NEGR1: variants seen among roughly 807,000 people sequenced by gnomAD.
NEGR1 encodes the protein neuronal growth regulator 1.
Under a neutral mutation model 40.9 loss-of-function variants are expected in NEGR1, and 10 were observed. The observed-to-expected ratio is 0.24, with a 90% CI of 0.15 to 0.42. The LOEUF (loss-of-function observed/expected upper bound fraction) is 0.42. Among genes scored for constraint, NEGR1 ranks in the 10% least tolerant of loss-of-function variants. The pLI, the probability that NEGR1 is intolerant of heterozygous loss-of-function variation, is 1.00. For synonymous variants in NEGR1, 185 were observed against 166.8 expected (o/e 1.11, Z -0.84); for missense variants, 352 against 438.9 (o/e 0.80, Z 1.77).
intron 2 of NEGR1, among the ~76,000 whole-genome samples, chr1:71,839,504 C>A (rs184917192): frequency 1.3e-5 from 2 of 151,960 alleles, no homozygotes; most frequent in Admixed American, 6.6e-5. Context: ...AGTCACCACT[C>A]CTGGCCGAGA....
intron 2 of NEGR1, among the ~76,000 whole-genome samples, chr1:71,907,024 T>G (rs1661295546): frequency 6.6e-6 from 1 of 152,198 alleles, no homozygotes; most frequent in African/African-American, 2.4e-5. Context: ...ATGTTACGAA[T>G]TAACTATTTT....
intron 1 of NEGR1, among the ~76,000 whole-genome samples, chr1:72,210,532 T>C (rs1029840113): frequency 1.3e-5 from 2 of 151,918 alleles, no homozygotes; most frequent in South Asian, 2.1e-4. Context: ...AGGCAGGCAT[T>C]TGGCAGACAT....
chr1:72,057,164 G>A (rs1176321734), intron 1 of NEGR1, among the ~76,000 whole-genome samples: 2 of 151,516 alleles, frequency 1.3e-5, no homozygotes, highest in Non-Finnish European at 3.0e-5. Context: ...TTGATTGAAT[G>A]GAAGAATAAA....
intron 1 of NEGR1, among the ~76,000 whole-genome samples, chr1:72,012,904 A>G (rs1321902803): frequency 1.3e-5 from 2 of 148,736 alleles, no homozygotes; most frequent in Admixed American, 1.3e-4. Flanking sequence ...GCAAGATACT[A>G]GTTGTAGGGG....
intron 1 of NEGR1, among the ~76,000 whole-genome samples, chr1:72,030,251 G>A (rs1454179357): frequency 2.0e-5 from 3 of 151,292 alleles, no homozygotes; most frequent in Admixed American, 1.3e-4. Context: ...CTGCAGTGCC[G>A]TGGTGCAATC....
chr1:72,063,239 T>C (rs1647205231), intron 1 of NEGR1, among the ~76,000 whole-genome samples: 1 of 151,926 alleles, frequency 6.6e-6, no homozygotes, highest in South Asian at 2.1e-4. Flanking sequence ...ACATGTGTTT[T>C]CTAATCCTCT....
At chr1:72,081,474 T>C (rs2100528642) in intron 1 of NEGR1, among the ~76,000 whole-genome samples, 1 of 152,236 alleles carries the variant, frequency 6.6e-6, no homozygotes, top group East Asian at 1.9e-4. Flanking sequence ...TACAGCTCCC[T>C]GTAATTTTCC....
chr1:71,629,004 T>C (rs1349311954), intron 4 of NEGR1, among the ~76,000 whole-genome samples: 1 of 152,140 alleles, frequency 6.6e-6, no homozygotes, highest in African/African-American at 2.4e-5. Flanking sequence ...TCTTCCACAA[T>C]GGTTGAACTA....
At position 72,036,840 on chromosome 1, in the gene NEGR1, T is replaced by C. The variant is rs543968599; in HGVS notation, c.177-101529A>G. On this transcript the variant is annotated intron_variant, in intron 1 of 6. Transcript: ENST00000357731. ...CCAAAATAACTGCAAATAATCAATA[T>C]GGTTAATTTCTTTTTGTTTTTGCAA... is the stretch of plus-strand genomic sequence containing the variant. 8.5e-5 allele frequency among the ~76,000 whole-genome samples: 13 copies of C among 152,120 alleles called. No individual in the cohort carries two copies. The South Asian group carries it at 2.7e-3, about 32-fold the overall frequency.
At chr1:71,958,797 CA>C (rs554045668) in intron 1 of NEGR1, among the ~76,000 whole-genome samples, 1 of 151,426 alleles carries the variant, frequency 6.6e-6, no homozygotes, top group East Asian at 2.0e-4. Context: ...ATTAAAAATA[CA>C]AAAAAAATGA....
At position 71,792,742 on chromosome 1, in the gene NEGR1, G is replaced by A. The variant is rs139126179; in HGVS notation, c.410-16445C>T. Among the ~76,000 whole-genome samples, 583 of 152,224 alleles carry A rather than the reference G, an allele frequency of 3.8e-3. 2 individuals carry two copies. The highest frequency in any genetic ancestry group is 0.013 in the African/African-American group (551 of 41,542). On this transcript the variant is annotated intron_variant, in intron 2 of 6. Coordinates refer to ENST00000357731, the MANE Select transcript of NEGR1 (RefSeq NM_173808.3). The stretch of plus-strand genomic sequence containing the variant: ...ATATCAAACTGTTTCCATCAGGCTG[G>A]AAGCTGTAACACTCAAATGGTACCT...
At chr1:71,587,772 G>T (rs755261456) in intron 6 of NEGR1, among the ~76,000 whole-genome samples, 1 of 152,006 alleles carries the variant, frequency 6.6e-6, no homozygotes, top group Non-Finnish European at 1.5e-5. Flanking sequence ...GTACACCTGA[G>T]ATGGGAGTTT....
intron 1 of NEGR1, among the ~76,000 whole-genome samples, chr1:72,056,599 A>G (rs1647112955): frequency 6.6e-6 from 1 of 151,402 alleles, no homozygotes; most frequent in African/African-American, 2.4e-5. Flanking sequence ...ATATCAACAG[A>G]TTCGCACTAA....
intron 1 of NEGR1, among the ~76,000 whole-genome samples, chr1:72,146,406 T>C (rs1650910454): frequency 6.6e-6 from 1 of 152,192 alleles, no homozygotes; most frequent in Admixed American, 6.5e-5. Flanking sequence ...GTACTCTATA[T>C]GAGTAAGTGT....
intron 1 of NEGR1, among the ~76,000 whole-genome samples, chr1:72,028,434 C>T (rs1171018939): frequency 6.6e-6 from 1 of 152,154 alleles, no homozygotes; most frequent in Admixed American, 6.5e-5. Flanking sequence ...TACTAACATA[C>T]CAGGAGGTCT....
At chr1:71,943,711 A>C (rs1049939115) in intron 1 of NEGR1, among the ~76,000 whole-genome samples, 6 of 152,176 alleles carry the variant, frequency 3.9e-5, no homozygotes, top group South Asian at 4.1e-4. Context: ...ATATCAAAAT[A>C]TCTTCATTTT....
chr1:71,937,365 A>G (rs1645915232), intron 1 of NEGR1, among the ~76,000 whole-genome samples: 1 of 152,232 alleles, frequency 6.6e-6, no homozygotes. Context: ...CTGGTACAGG[A>G]CAGAACTCTG....
intron 2 of NEGR1, among the ~76,000 whole-genome samples, chr1:71,896,241 T>C (rs531959356): frequency 6.6e-6 from 1 of 152,244 alleles, no homozygotes; most frequent in East Asian, 1.9e-4. Context: ...TTTCACCATG[T>C]TGGCCAAGCT....
intron 2 of NEGR1, among the ~76,000 whole-genome samples, chr1:71,790,109 A>G (rs1657060920): frequency 6.6e-6 from 1 of 152,078 alleles, no homozygotes; most frequent in Admixed American, 6.6e-5. Flanking sequence ...GAACATATTG[A>G]GTGTGTATGT....
Sources: allele counts gnomAD v4.1 joint callset (sites outside exome capture counted in the v4.1 genomes callset), GRCh38; gene constraint gnomAD v4.1.1; transcripts MANE v1.5; gene names NCBI Gene and HGNC (gene_info 2026-07-23, HGNC 2026-07-21).